The following PDE4D variants were observed in gnomAD, a reference collection of about 807,000 sequenced individuals.
PDE4D encodes the protein 3',5'-cyclic-AMP phosphodiesterase 4D.
In PDE4D, 24 loss-of-function variants were observed where a neutral mutation model predicts 87.4. That is an observed-to-expected ratio of 0.27 (90% CI 0.20 to 0.39). The LOEUF (loss-of-function observed/expected upper bound fraction) is 0.39, where lower values mean the gene tolerates loss of function less well. Among genes scored for constraint, PDE4D ranks in the 10% least tolerant of loss-of-function variants. The pLI is 1.00. For synonymous variants in PDE4D, 384 were observed against 383.2 expected, an observed-to-expected ratio of 1.00 and a Z score of -0.02; for missense variants, 714 against 1,041.0, an observed-to-expected ratio of 0.69 and a Z score of 4.32.
At chr5:60,217,418 A>T (rs182533198) in intron 1 of PDE4D, among the ~76,000 whole-genome samples, 1 of 152,050 alleles carries the variant, frequency 6.6e-6, no homozygotes, top group Non-Finnish European at 1.5e-5. Context: ...AATTTTATGT[A>T]TGTGAATATT....
chr5:60,177,639 C>A (rs1784035694), intron 2 of PDE4D, among the ~76,000 whole-genome samples: 1 of 152,126 alleles, frequency 6.6e-6, no homozygotes, highest in African/African-American at 2.4e-5. Context: ...AGAACCTATT[C>A]TTTGACTGCA....
intron 1 of PDE4D, among the ~76,000 whole-genome samples, chr5:59,309,850 G>T (rs1386141973): frequency 6.6e-6 from 1 of 152,052 alleles, no homozygotes; most frequent in Non-Finnish European, 1.5e-5. Context: ...TGTGTATCCT[G>T]CCCAAACCCG....
chr5:59,714,810 C>T (rs1177217122), intron 1 of PDE4D, among the ~76,000 whole-genome samples: 7 of 152,196 alleles, frequency 4.6e-5, no homozygotes, highest in South Asian at 2.1e-4. Context: ...GATTTAGAAG[C>T]GGCAATGCTC....
chr5:60,159,062 T>G (rs563661590), intron 2 of PDE4D, among the ~76,000 whole-genome samples: 8 of 152,260 alleles, frequency 5.3e-5, no homozygotes, highest in African/African-American at 1.2e-4. Context: ...ATTCTGTAAG[T>G]TTTTTCTAGC....
At chr5:60,278,567 T>C (rs1277631111) in intron 1 of PDE4D, among the ~76,000 whole-genome samples, 1 of 152,126 alleles carries the variant, frequency 6.6e-6, no homozygotes, top group East Asian at 1.9e-4. Context: ...CCCATTAGGC[T>C]CTTGTTTTGT....
In PDE4D at chr5:59,156,331, A is replaced by ATATATATATG. The variant is rs1384479557; in HGVS notation, c.808+24263_808+24264insCATATATATA. Among the ~76,000 whole-genome samples, 987 of 122,654 alleles carry ATATATATATG rather than the reference A, an allele frequency of 8.0e-3. 15 individuals carry two copies. The highest frequency in any genetic ancestry group is 0.019 in the African/African-American group (560 of 29,600). The allele number at this position is 122,654 out of a possible 152,430, so 80.5% of individuals were successfully genotyped here. ...CCAGAAAAAAAAAAAATATATATAT[A>ATATATATATG]TGTGTGTGTGTGTGTGTGTGTGTGT... On this transcript the variant is annotated intron_variant, in intron 5 of 14. Transcript: ENST00000340635.
At chr5:59,202,729 C>T (rs1203471042) in intron 2 of PDE4D, among the ~76,000 whole-genome samples, 1 of 152,062 alleles carries the variant, frequency 6.6e-6, no homozygotes, top group Non-Finnish European at 1.5e-5. Context: ...CCTGCTCAAG[C>T]TCTCTCTCTT....
At chr5:59,748,656 TG>T (rs1759979962) in intron 1 of PDE4D, among the ~76,000 whole-genome samples, 1 of 57,200 alleles carries the variant, frequency 1.7e-5, no homozygotes, top group African/African-American at 7.3e-5. Flanking sequence ...TATTGTGGGG[TG>T]GGGGGAGGGG....
intron 1 of PDE4D, among the ~76,000 whole-genome samples, chr5:60,343,446 T>C (rs562148135): frequency 4.6e-5 from 7 of 152,260 alleles, no homozygotes; most frequent in Admixed American, 3.9e-4. Flanking sequence ...CCAATGATGA[T>C]AACAATGATG....
chr5:60,347,884 C>T (rs990787277), intron 1 of PDE4D, among the ~76,000 whole-genome samples: 18 of 152,154 alleles, frequency 1.2e-4, no homozygotes, highest in African/African-American at 4.1e-4. Context: ...CAGGATTACA[C>T]AAAACCTCCA....
intron 1 of PDE4D, among the ~76,000 whole-genome samples, chr5:59,690,817 C>T (rs1750780027): frequency 6.6e-6 from 1 of 151,992 alleles, no homozygotes; most frequent in Admixed American, 6.6e-5. Context: ...TATAATCTAC[C>T]CATCTGAGAA....
intron 1 of PDE4D, among the ~76,000 whole-genome samples, chr5:59,348,522 A>G (rs972551827): frequency 6.6e-6 from 1 of 151,648 alleles, no homozygotes; most frequent in Non-Finnish European, 1.5e-5. Context: ...TCATTTTTGA[A>G]TGTTTAATTC....
intron 1 of PDE4D, among the ~76,000 whole-genome samples, chr5:60,194,615 T>A (rs577257232): frequency 6.6e-6 from 1 of 151,684 alleles, no homozygotes; most frequent in African/African-American, 2.4e-5. Flanking sequence ...TCATGAAGGG[T>A]GAAGAGCACC....
At chr5:59,078,721 G>A (rs1766140547) in intron 5 of PDE4D, among the ~76,000 whole-genome samples, 1 of 151,978 alleles carries the variant, frequency 6.6e-6, no homozygotes, top group Non-Finnish European at 1.5e-5. Flanking sequence ...ATGTTGCTCA[G>A]GCAGGTTGGT....
Position 60,210,762 on chromosome 5 carries a change from T to C in PDE4D, c.-89-25075A>G, listed in dbSNP as rs562658677. ...TTTTATAGGGTTTCCTAATTTTTTT[T>C]TTTTTTTCAGAAATATTAGATTACA... is the stretch of plus-strand genomic sequence containing the variant. On this transcript the variant is annotated intron_variant, in intron 1 of 16. Coordinates refer to the PDE4D transcript ENST00000502484. Among the ~76,000 whole-genome samples, 298 of 152,008 alleles carry C rather than the reference T, an allele frequency of 2.0e-3. 2 individuals carry two copies. Among genetic ancestry groups the C allele is most frequent in the Non-Finnish European group, 2.5e-3 (170 of 67,970 alleles).
At chr5:59,857,453 T>C (rs1405513255) in intron 1 of PDE4D, among the ~76,000 whole-genome samples, 6 of 152,154 alleles carry the variant, frequency 3.9e-5, no homozygotes, top group Non-Finnish European at 8.8e-5. Context: ...TCAAAATATA[T>C]GAAAAAGAAT....
At chr5:58,989,228 T>C (rs4700314) in intron 10 of PDE4D, among the ~76,000 whole-genome samples, 131,811 of 152,052 alleles carry the variant, frequency 0.87, 57,208 homozygotes, top group African/African-American at 0.91. Context: ...CACTCACCCA[T>C]ATGATGAGGT....
rs971357418 is a variant in PDE4D at position 59,170,020 on chromosome 5, T to C, written c.808+10575A>G. 2.6e-5 allele frequency among the ~76,000 whole-genome samples: 4 copies of C among 152,214 alleles called. No homozygotes were observed. The East Asian group carries it at 7.7e-4, about 29-fold the overall frequency. On this transcript the variant is annotated intron_variant, in intron 5 of 14. Coordinates refer to ENST00000340635, the MANE Select transcript of PDE4D (RefSeq NM_001104631.2). ...GTGGACTTTGGTGACACTGAGATCTTTTATTCATGTGGTAGCTTTTCTTAC... is the reference window on the plus strand; with the variant it reads ...GTGGACTTTGGTGACACTGAGATCTCTTATTCATGTGGTAGCTTTTCTTAC...
chr5:59,159,162 T>G (rs988739857), intron 5 of PDE4D, among the ~76,000 whole-genome samples: 1 of 151,884 alleles, frequency 6.6e-6, no homozygotes, highest in Admixed American at 6.6e-5. Context: ...TGAGACTACT[T>G]AAGATTTTTT....
Sources: allele counts gnomAD v4.1 joint callset (sites outside exome capture counted in the v4.1 genomes callset), GRCh38; gene constraint gnomAD v4.1.1; transcripts MANE v1.5; gene names NCBI Gene and HGNC (gene_info 2026-07-23, HGNC 2026-07-21).